The following CDH13 variants were observed in gnomAD, a reference collection of about 807,000 sequenced individuals.
CDH13 encodes the protein cadherin-13.
In CDH13, 24 loss-of-function variants were observed where a neutral mutation model predicts 63.8. The ratio of observed to expected loss-of-function variants is 0.38; its 90% CI spans 0.27 to 0.53. The LOEUF (loss-of-function observed/expected upper bound fraction) is 0.53, where lower values mean the gene tolerates loss of function less well. Ranked by LOEUF, CDH13 falls within the 20% of genes least tolerant of loss-of-function variation. The pLI, the probability that CDH13 is intolerant of heterozygous loss-of-function variation, is 0.85. For missense variants in CDH13, 1,049 were observed against 903.1 expected (o/e 1.16, Z -2.07); for synonymous variants, 503 against 355.3 (o/e 1.42, Z -4.67).
intron 5 of CDH13, among the ~76,000 whole-genome samples, chr16:83,254,490 G>C (rs62040380): frequency 6.6e-6 from 1 of 152,152 alleles, no homozygotes; most frequent in Non-Finnish European, 1.5e-5. Context: ...AACAAGGCAC[G>C]CAGGATCAAA....
intron 6 of CDH13, among the ~76,000 whole-genome samples, chr16:83,370,242 GC>G (rs1384952848): frequency 2.6e-5 from 4 of 152,008 alleles, no homozygotes; most frequent in Non-Finnish European, 5.9e-5. Context: ...GAAAAAATTA[GC>G]CGGGTGCGGT....
intron 2 of CDH13, among the ~76,000 whole-genome samples, chr16:82,862,040 C>T (rs1456549510): frequency 6.6e-6 from 1 of 152,220 alleles, no homozygotes; most frequent in Non-Finnish European, 1.5e-5. Context: ...AGAAAGGAGG[C>T]ATCCATTTAA....
At chr16:83,560,907 C>CT (rs946251444) in intron 7 of CDH13, among the ~76,000 whole-genome samples, 1 of 151,998 alleles carries the variant, frequency 6.6e-6, no homozygotes, top group African/African-American at 2.4e-5. Flanking sequence ...TGGCCCCCCC[C>CT]CCGCCCCAGG....
chr16:83,345,583 C>G (rs576323587), intron 6 of CDH13, among the ~76,000 whole-genome samples: 12 of 152,294 alleles, frequency 7.9e-5, no homozygotes, highest in African/African-American at 2.9e-4. Flanking sequence ...TACTATAGAG[C>G]TCCCGCTGTC....
chr16:83,469,697 G>T (rs1407740312), intron 6 of CDH13, among the ~76,000 whole-genome samples: 3 of 152,158 alleles, frequency 2.0e-5, no homozygotes, highest in Non-Finnish European at 4.4e-5. Flanking sequence ...GGCATCCACA[G>T]CACTAGCACA....
chr16:83,070,220 C>G (rs113483336), intron 3 of CDH13, among the ~76,000 whole-genome samples: 17 of 152,118 alleles, frequency 1.1e-4, no homozygotes, highest in African/African-American at 3.9e-4. Flanking sequence ...TAAAAACTCA[C>G]TCTTGGAAAT....
At position 83,605,258 on chromosome 16, in the gene CDH13, C is replaced by T. The variant is rs74448962; in HGVS notation, c.1101+2664C>T. ...AGATGAAAGGAAGTGATAACAAGTA[C>T]ACTAGACTCTCATTTGGATATTAAA... On this transcript the variant is annotated intron_variant, in intron 8 of 13. Transcript: ENST00000567109. Among the ~76,000 whole-genome samples, 1,415 of 152,272 alleles carry T rather than the reference C, an allele frequency of 9.3e-3. 24 individuals are homozygous for T. Among genetic ancestry groups the T allele is most frequent in the African/African-American group, 0.033 (1,361 of 41,556 alleles).
At chr16:83,526,042 T>A (rs61379921) in intron 7 of CDH13, among the ~76,000 whole-genome samples, 42,097 of 152,014 alleles carry the variant, frequency 0.28, 6,049 homozygotes, top group East Asian at 0.49. Flanking sequence ...TGCAGAACTA[T>A]AAAATTTACA....
rs368423113 is a variant in CDH13 at position 83,018,218 on chromosome 16, G to C, written c.158-13792G>C. ...AAATGGTTGAAATATCGGATTATGG[G>C]GATTGGAGTGAAATGGAACACTGAC... On this transcript the variant is annotated intron_variant, in intron 2 of 13. Coordinates refer to ENST00000567109, the MANE Select transcript of CDH13 (RefSeq NM_001257.5). Among the ~76,000 whole-genome samples the C allele has an allele frequency of 1.2e-4, 19 of 152,180 alleles. No homozygotes were observed. The East Asian group carries it at 2.9e-3, about 23-fold the overall frequency.
At chr16:83,552,052 C>T (rs149106279) in intron 7 of CDH13, among the ~76,000 whole-genome samples, 1 of 152,180 alleles carries the variant, frequency 6.6e-6, no homozygotes, top group Non-Finnish European at 1.5e-5. Flanking sequence ...CTGATTCATT[C>T]CAGGGGAATA....
At chr16:83,677,472 G>A (rs1915053791) in intron 9 of CDH13, among the ~76,000 whole-genome samples, 1 of 151,346 alleles carries the variant, frequency 6.6e-6, no homozygotes, top group African/African-American at 2.4e-5. Flanking sequence ...GAGCCCTCGA[G>A]TCAATTGAAA....
intron 10 of CDH13, among the ~76,000 whole-genome samples, chr16:83,710,706 A>G (rs1341030039): frequency 2.0e-5 from 3 of 152,120 alleles, no homozygotes; most frequent in Non-Finnish European, 2.9e-5. Context: ...TGTCTTGGGA[A>G]TTAACAGGAA....
chr16:82,969,925 C>T (rs550793364), intron 2 of CDH13, among the ~76,000 whole-genome samples: 1 of 151,850 alleles, frequency 6.6e-6, no homozygotes, highest in Admixed American at 6.6e-5. Context: ...CTTAATCCTC[C>T]ATTTAGTATT....
At chr16:83,411,339 T>G (rs1365682768) in intron 6 of CDH13, among the ~76,000 whole-genome samples, 4 of 152,186 alleles carry the variant, frequency 2.6e-5, no homozygotes, top group African/African-American at 9.6e-5. Context: ...CCACTTTTCT[T>G]TCTTTTGAAG....
chr16:83,309,140 C>T (rs866205786), intron 5 of CDH13, among the ~76,000 whole-genome samples: 5 of 152,164 alleles, frequency 3.3e-5, no homozygotes, highest in African/African-American at 7.2e-5. Context: ...TCTGCATGTA[C>T]ATGAGCCTCA....
chr16:83,246,622 T>C (rs867872167), intron 5 of CDH13, among the ~76,000 whole-genome samples: 23 of 152,218 alleles, frequency 1.5e-4, no homozygotes, highest in African/African-American at 5.5e-4. Flanking sequence ...TCTTCTTTGG[T>C]TGCATCTTCA....
intron 6 of CDH13, among the ~76,000 whole-genome samples, chr16:83,464,163 G>A (rs539770118): frequency 2.6e-5 from 4 of 152,138 alleles, no homozygotes; most frequent in African/African-American, 7.2e-5. Flanking sequence ...AACCTCTACC[G>A]TCCTGGTTCA....
Position 83,608,835 on chromosome 16 carries a change from G to T in CDH13, c.1101+6241G>T, listed in dbSNP as rs183072546. 1.3e-3 allele frequency among the ~76,000 whole-genome samples: 198 copies of T among 151,942 alleles called. 2 individuals are homozygous for T. The highest frequency in any genetic ancestry group is 4.2e-3 in the African/African-American group (174 of 41,452). On this transcript the variant is annotated intron_variant, in intron 8 of 13. Transcript: ENST00000567109. Reference sequence around the variant, plus strand: ...TATTCGCATTTTTAATTAAAATATTGTGTTAATTAACTGCCTAATACAACC... The same window carrying T: ...TATTCGCATTTTTAATTAAAATATTTTGTTAATTAACTGCCTAATACAACC...
rs150276239 is a variant in CDH13, at chr16:83,578,887, C to G, written c.961-23567C>G. ...CAGATTCTATTATTCTCCCTATTTG[C>G]AAACTGAGGCTTAGTGAGGTTAACG... On this transcript the variant is annotated intron_variant, in intron 7 of 13. Transcript: ENST00000567109. Among the ~76,000 whole-genome samples the G allele has an allele frequency of 2.6e-3, 398 of 152,296 alleles. 2 individuals are homozygous for G. Among genetic ancestry groups the G allele is most frequent in the African/African-American group, 8.9e-3 (369 of 41,560 alleles).
Sources: allele counts gnomAD v4.1 joint callset (sites outside exome capture counted in the v4.1 genomes callset), GRCh38; gene constraint gnomAD v4.1.1; transcripts MANE v1.5; gene names NCBI Gene and HGNC (gene_info 2026-07-23, HGNC 2026-07-21).